Variants in FAM186A observed in about 807,000 individuals in gnomAD.
FAM186A encodes family with sequence similarity 186 member A.
FAM186A carries 163 observed loss-of-function variants against 216.8 expected under a neutral mutation model. The observed-to-expected ratio is 0.75, with a 90% confidence interval of 0.66 to 0.86. FAM186A has a LOEUF of 0.86. Among genes scored for constraint, FAM186A ranks in the 40% least tolerant of loss-of-function variants. The pLI is 0.00. For synonymous variants in FAM186A, 805 were observed against 1,025.3 expected (o/e 0.79, Z 4.10); for missense variants, 2,184 against 2,746.2 (o/e 0.80, Z 4.58).
At chr12:50,345,165 A>G (rs1942800686) in intron 4 of FAM186A, among the ~76,000 whole-genome samples, 1 of 152,176 alleles carries the variant, frequency 6.6e-6, no homozygotes, top group South Asian at 2.1e-4. Flanking sequence ...ACAAAAAACA[A>G]AAACAAAACA....
chr12:50,368,822 T>C (rs1023056344), intron 1 of FAM186A, among the ~76,000 whole-genome samples: 1 of 152,074 alleles, frequency 6.6e-6, no homozygotes, highest in East Asian at 1.9e-4. Flanking sequence ...ACGACAGACA[T>C]ATAACCTGAT....
rs1403829524 is a variant in FAM186A, at chr12:50,396,415, T to C, written c.70A>G (p.Ile24Val). The C allele has an allele frequency of 1.3e-6, 2 of 1,551,646 alleles. No homozygotes were observed. Among genetic ancestry groups the C allele is most frequent in the South Asian group, 2.4e-5 (2 of 84,056 alleles). Residue 24 changes from isoleucine (I) to valine (V), a missense_variant, in exon 1 of 8, where the codon ATC (isoleucine) becomes GTC (valine). Coordinates refer to ENST00000327337, the MANE Select transcript of FAM186A (RefSeq NM_001145475.3). Reference protein sequence around the residue: ...ESEKCIKDSTIMRREPQNILS... With the variant: ...ESEKCIKDSTVMRREPQNILS... The stretch of plus-strand genomic sequence containing the variant: ...ATATTTTGGGGCTCTCTTCTCATGA[T>C]GGTGGAATCCTTGATGCATTTTTCT...
At chr12:50,366,646 AAAC>A (rs1432939495) in intron 1 of FAM186A, among the ~76,000 whole-genome samples, 407 of 21,598 alleles carry the variant, frequency 0.019, 13 homozygotes, top group Middle Eastern at 0.04. Flanking sequence ...AAAAAAAAAA[AAAC>A]GTGATCATCA....
chr12:50,344,944 T>G (rs1289834078), intron 4 of FAM186A, among the ~76,000 whole-genome samples: 2 of 151,344 alleles, frequency 1.3e-5, no homozygotes, highest in African/African-American at 4.9e-5. Flanking sequence ...GACAAGAGAG[T>G]GAGACCATGT....
At position 50,333,916 on chromosome 12, in the gene FAM186A, T is replaced by G. The variant is rs1411865943; in HGVS notation, c.6691A>C (p.Asn2231His). 5 of 1,550,440 alleles carry G rather than the reference T, an allele frequency of 3.2e-6. No individual in the cohort carries two copies. The Admixed American group carries it at 7.9e-5, about 25-fold the overall frequency. The change falls in exon 5 of 8, where the codon AAC (asparagine) becomes CAC (histidine). Residue 2231 changes from asparagine to histidine, a missense_variant. Transcript: ENST00000327337. ...QCLKKMIHVFNQLKKIHELNL... is the reference protein window; with the variant it reads ...QCLKKMIHVFHQLKKIHELNL... Reference sequence around the variant, plus strand: ...GGGAGTGGAAAGCAGGTTACCTGGTTGAATACGTGTATCATTTTCTTCAGG... The same window carrying G: ...GGGAGTGGAAAGCAGGTTACCTGGTGGAATACGTGTATCATTTTCTTCAGG...
chr12:50,330,465 T>C (rs1272081560), intron 7 of FAM186A, 108 bp downstream of exon 7: 3 of 1,119,720 alleles, frequency 2.7e-6, no homozygotes, highest in Non-Finnish European at 3.8e-6. Context: ...ATACCAAACA[T>C]TACTTTTGGT....
At position 50,350,792 on chromosome 12, in the gene FAM186A, T is replaced by A; in HGVS notation, c.6040A>T (p.Thr2014Ser). Residue 2014 changes from threonine to serine, a missense_variant, in exon 4 of 8, where the codon ACA (threonine) becomes TCA (serine). Thr to Ser is a moderately conservative substitution (Grantham distance 58). Coordinates refer to ENST00000327337, the MANE Select transcript of FAM186A (RefSeq NM_001145475.3). ...RDTFAIESFR[T>S]FQSHFTKYRT... Reference sequence around the variant, plus strand: ...TATTTGGTGAAATGGGACTGAAATGTTCTAAATGATTCTATAGCAAAAGTG... The same window carrying A: ...TATTTGGTGAAATGGGACTGAAATGATCTAAATGATTCTATAGCAAAAGTG... 1 of 1,551,668 alleles carries A rather than the reference T, an allele frequency of 6.4e-7. No individual in the cohort carries two copies. Among genetic ancestry groups the A allele is most frequent in the South Asian group, 1.2e-5 (1 of 84,062 alleles).
chr12:50,368,356 C>G (rs1467618533), intron 1 of FAM186A, among the ~76,000 whole-genome samples: 1 of 151,710 alleles, frequency 6.6e-6, no homozygotes, highest in Non-Finnish European at 1.5e-5. Context: ...GCCATGATTG[C>G]GCCACTGCAT....
chr12:50,360,897 C>T lies in FAM186A; in HGVS notation c.442G>A (p.Asp148Asn), dbSNP rs1943028081. 1 of 1,543,830 alleles carries T rather than the reference C, an allele frequency of 6.5e-7. No homozygotes were observed. Residue 148 changes from aspartate (D) to asparagine (N), a missense_variant, in exon 3 of 8, where the codon GAT (aspartate) becomes AAT (asparagine). This residue lies in a region of FAM186A where 1,132 missense variants were observed against 1,263.4 expected (regional missense o/e 0.90). Transcript: ENST00000327337. ...ATCCAGTGGTGGTGTTCATCAACAT[C>T]CATTAGAGTCATCTCAGACAAAACA... ...NDVLSEMTLM[D>N]VDEHHHWIAQ...
In FAM186A at chr12:50,352,669, G is replaced by A; in HGVS notation, c.4163C>T (p.Thr1388Ile). ...CCCCAAGGCCTGAGCCTGCTGAGGG[G>A]TGAGAGGGATCCCCAGTTCCTGAGC... ...QQAQELGIPL[T>I]PQQAQALGMP... Residue 1388 changes from threonine to isoleucine, a missense_variant, in exon 4 of 8, where the codon ACC becomes ATC. This residue lies in a region of FAM186A where 267 missense variants were observed against 446.2 expected (regional missense o/e 0.60). Coordinates refer to ENST00000327337, the MANE Select transcript of FAM186A (RefSeq NM_001145475.3). 1.3e-6 allele frequency: 2 copies of A among 1,523,754 alleles called. No homozygotes were observed. Among genetic ancestry groups the A allele is most frequent in the South Asian group, 1.2e-5 (1 of 80,604 alleles). The allele number at this position is 1,523,754 out of a possible 1,614,324, so 94.4% of individuals were successfully genotyped here. A position where few individuals can be genotyped will look rare whatever the true frequency, so the allele number is the denominator to read the frequency against.
In FAM186A at chr12:50,351,539, C is replaced by A; in HGVS notation, c.5293G>T (p.Val1765Phe). The change falls in exon 4 of 8, where the codon GTT becomes TTT. Residue 1765 changes from valine to phenylalanine, a missense_variant. Physicochemically the swap from Val to Phe is conservative, Grantham distance 50. Transcript: ENST00000327337. ...GCAAAGGGGCCTTGGTTGAGGGGAACCCTTGATATCTGCAAAGGAGTAGAA... is the reference window on the plus strand; with the variant it reads ...GCAAAGGGGCCTTGGTTGAGGGGAAACCTTGATATCTGCAAAGGAGTAGAA... ...VSSTPLQISR[V>F]PLNQGPFAPG... The A allele has an allele frequency of 6.5e-7, 1 of 1,531,992 alleles. No individual in the cohort carries two copies. Among genetic ancestry groups the A allele is most frequent in the Non-Finnish European group, 8.8e-7 (1 of 1,138,246 alleles). 94.9% of individuals were successfully genotyped at this position (1,531,992 alleles called of 1,614,324 possible). A position where few individuals can be genotyped will look rare whatever the true frequency, so the allele number is the denominator to read the frequency against.
Position 50,375,716 on chromosome 12 carries a change from C to CAAAAA in FAM186A, c.193-12357_193-12353dup, listed in dbSNP as rs1188382834. ...TGGGTGACAGAGGGAGACTCCATCT[C>CAAAAA]AAAAAAAAAAAGAAAAAGAAAAAGA... On this transcript the variant is annotated intron_variant, in intron 1 of 7. Transcript: ENST00000327337. Among the ~76,000 whole-genome samples the CAAAAA allele has an allele frequency of 9.8e-5, 11 of 112,716 alleles. No individual in the cohort carries two copies. The East Asian group carries it at 2.0e-3, about 21-fold the overall frequency. 73.9% of individuals were successfully genotyped at this position (112,716 alleles called of 152,430 possible).
chr12:50,355,453 C>A lies in FAM186A; in HGVS notation c.1379G>T (p.Arg460Ile), dbSNP rs769115446. 3.2e-6 allele frequency: 5 copies of A among 1,551,016 alleles called. No individual in the cohort carries two copies. The Middle Eastern group carries it at 5.0e-4, about 155-fold the overall frequency. ...DETDEYQSWKRSHKKATYVYE... is the reference protein window; with the variant it reads ...DETDEYQSWKISHKKATYVYE... ...TACATATGTGGCTTTTTTGTGGCTT[C>A]TTTTCCATGATTGATACTCATCAGT... Residue 460 changes from arginine to isoleucine, a missense_variant, in exon 4 of 8, where the codon AGA becomes ATA. Arg to Ile is a moderately conservative substitution (Grantham distance 97). Around this residue, in one of 7 missense-constraint regions of FAM186A, gnomAD observed 1,132 missense variants for 1,263.4 expected, o/e 0.90. Transcript: ENST00000327337.
At chr12:50,328,008 A>G (rs1430328312) in intron 7 of FAM186A, among the ~76,000 whole-genome samples, 1 of 152,228 alleles carries the variant, frequency 6.6e-6, no homozygotes, top group East Asian at 1.9e-4. Flanking sequence ...TGTTATTTCC[A>G]AGGATAGACC....
At chr12:50,385,591 CAT>C (rs1943295487) in intron 1 of FAM186A, among the ~76,000 whole-genome samples, 1 of 151,532 alleles carries the variant, frequency 6.6e-6, no homozygotes, top group Non-Finnish European at 1.5e-5. Context: ...TGATTTCACT[CAT>C]ATGTGGAATC....
intron 4 of FAM186A, among the ~76,000 whole-genome samples, chr12:50,340,672 C>G (rs1222344498): frequency 2.0e-5 from 3 of 149,672 alleles, no homozygotes; most frequent in Non-Finnish European, 4.4e-5. Context: ...AAGACCCTGT[C>G]TCTTTAAAAA....
intron 1 of FAM186A, among the ~76,000 whole-genome samples, chr12:50,373,497 C>T (rs1179515760): frequency 6.6e-6 from 1 of 152,128 alleles, no homozygotes; most frequent in Non-Finnish European, 1.5e-5. Flanking sequence ...TTGATGTCAG[C>T]GTTACCCTGA....
At chr12:50,360,371 C>A (rs925933039) in intron 3 of FAM186A, among the ~76,000 whole-genome samples, 1 of 150,364 alleles carries the variant, frequency 6.7e-6, no homozygotes, top group African/African-American at 2.4e-5. Flanking sequence ...CATGTATGCA[C>A]ATTATACCTC....
At chr12:50,388,028 T>C (rs1943319982) in intron 1 of FAM186A, among the ~76,000 whole-genome samples, 1 of 152,208 alleles carries the variant, frequency 6.6e-6, no homozygotes, top group South Asian at 2.1e-4. Flanking sequence ...CTGTAAGCTC[T>C]CCAAACCCTG....
Sources: allele counts gnomAD v4.1 joint callset (sites outside exome capture counted in the v4.1 genomes callset), GRCh38; gene constraint gnomAD v4.1.1; regional missense constraint gnomAD v4.1.1; transcripts MANE v1.5; gene names NCBI Gene and HGNC (gene_info 2026-07-23, HGNC 2026-07-21).